Variants in ATP2C2 observed in about 807,000 individuals in gnomAD.
ATP2C2 encodes ATPase secretory pathway Ca2+ transporting 2, also known as calcium-transporting ATPase type 2C member 2.
A neutral mutation model predicts 110.8 loss-of-function variants in ATP2C2; 171 were observed. That is an observed-to-expected ratio of 1.54 (90% CI 1.36 to 1.75). The LOEUF is 1.75. Among genes scored for constraint, ATP2C2 ranks in the 40% most tolerant of loss-of-function variants. ATP2C2 has a pLI of 0.00. For synonymous variants in ATP2C2, 804 were observed against 508.4 expected, an observed-to-expected ratio of 1.58 and a Z score of -7.82; for missense variants, 1,963 against 1,235.0, an observed-to-expected ratio of 1.59 and a Z score of -8.84.
At chr16:84,422,251 G>T in intron 7 of ATP2C2, 139 bp from the exon 8 acceptor site, 1 of 1,010,920 alleles carries the variant, frequency 9.9e-7, no homozygotes. Context: ...CTCAGAGGCC[G>T]TCGTTGTGAC....
rs148443258 is a variant in ATP2C2 at position 84,376,183 on chromosome 16, C to T, written c.99+7469C>T. 2.1e-4 allele frequency among the ~76,000 whole-genome samples: 32 copies of T among 152,140 alleles called. No homozygotes were observed. The East Asian group carries it at 6.2e-3, about 29-fold the overall frequency. ...CAGAGATAAGTAGTTTGGGTCAGCACATTTGAAACTTCCACAGGGGAGTTT... is the reference window on the plus strand; with the variant it reads ...CAGAGATAAGTAGTTTGGGTCAGCATATTTGAAACTTCCACAGGGGAGTTT... On this transcript the variant is annotated intron_variant, in intron 1 of 26. Coordinates refer to ENST00000262429, the MANE Select transcript of ATP2C2 (RefSeq NM_014861.4).
At chr16:84,437,989 A>G (rs569733611) in intron 11 of ATP2C2, among the ~76,000 whole-genome samples, 2 of 152,044 alleles carry the variant, frequency 1.3e-5, no homozygotes, top group Non-Finnish European at 2.9e-5. Flanking sequence ...GTGGCCTTCT[A>G]TGTCTGGCTT....
At chr16:84,419,779 T>A (rs892927842) in intron 7 of ATP2C2, among the ~76,000 whole-genome samples, 1 of 152,166 alleles carries the variant, frequency 6.6e-6, no homozygotes, top group African/African-American at 2.4e-5. Flanking sequence ...CTGGTCCCTG[T>A]GCTCGTGAGT....
At chr16:84,428,756 A>T (rs1444440160) in intron 11 of ATP2C2, among the ~76,000 whole-genome samples, 3 of 152,216 alleles carry the variant, frequency 2.0e-5, no homozygotes, top group Non-Finnish European at 4.4e-5. Context: ...ACATCAGAAT[A>T]CCCTTAAATG....
chr16:84,425,689 G>T, intron 10 of ATP2C2, 46 bp from the exon 11 acceptor site: 1 of 1,586,770 alleles, frequency 6.3e-7, no homozygotes, highest in Non-Finnish European at 8.7e-7. Context: ...AGGCATCAGC[G>T]TGTGTAGTGC....
At chr16:84,446,928 A>T (rs1040913947) in intron 16 of ATP2C2, among the ~76,000 whole-genome samples, 3 of 152,090 alleles carry the variant, frequency 2.0e-5, no homozygotes, top group South Asian at 2.1e-4. Flanking sequence ...CTGGGGAGCA[A>T]ATCCTTCAGT....
chr16:84,416,402 A>G (rs1392140263), intron 7 of ATP2C2, among the ~76,000 whole-genome samples: 1 of 152,212 alleles, frequency 6.6e-6, no homozygotes, highest in Non-Finnish European at 1.5e-5. Flanking sequence ...AGAATTAGAC[A>G]CAGATTATCT....
Position 84,459,652 on chromosome 16 carries a change from C to G in ATP2C2, c.2333+266C>G, listed in dbSNP as rs1053207097. The G allele has an allele frequency of 2.9e-6, 4 of 1,395,126 alleles. No homozygotes were observed. The African/African-American group carries it at 4.3e-5, about 15-fold the overall frequency. The allele number at this position is 1,395,126 out of a possible 1,614,324, so 86.4% of individuals were successfully genotyped here. A position where few individuals can be genotyped will look rare whatever the true frequency, so the allele number is the denominator to read the frequency against. On this transcript the variant is annotated intron_variant, in intron 23 of 26. Transcript: ENST00000262429. Reference sequence around the variant, plus strand: ...TGCTCTCTCTGGGCAACCTGCATGGCTCATTCTCATGCTTCATTCCAGTCA... The same window carrying G: ...TGCTCTCTCTGGGCAACCTGCATGGGTCATTCTCATGCTTCATTCCAGTCA...
At chr16:84,374,550 A>G (rs543954893) in intron 1 of ATP2C2, among the ~76,000 whole-genome samples, 2 of 152,232 alleles carry the variant, frequency 1.3e-5, no homozygotes, top group East Asian at 3.9e-4. Flanking sequence ...CCCAATCCAA[A>G]TGTCACAAGC....
chr16:84,392,981 A>G (rs866330884), intron 1 of ATP2C2, among the ~76,000 whole-genome samples: 1 of 152,024 alleles, frequency 6.6e-6, no homozygotes, highest in Non-Finnish European at 1.5e-5. Context: ...TGGCTGATCA[A>G]CCTTCCTCAC....
chr16:84,459,834 A>T, intron 23 of ATP2C2: 1 of 436,084 alleles, frequency 2.3e-6, no homozygotes, highest in African/African-American at 2.0e-5. Context: ...AGTTTCATGG[A>T]GGCGGAGTTT....
intron 1 of ATP2C2, among the ~76,000 whole-genome samples, chr16:84,396,603 A>G (rs975633441): frequency 6.6e-6 from 1 of 151,242 alleles, no homozygotes; most frequent in Non-Finnish European, 1.5e-5. Context: ...GTGAGTCACA[A>G]ATGGCAAGGC....
rs78375879 is a variant in ATP2C2 at position 84,452,135 on chromosome 16, A to G, written c.1831+44A>G. The G allele has an allele frequency of 4.8e-3, 7,742 of 1,605,028 alleles. 324 individuals carry two copies. In the African/African-American group the frequency reaches 0.089, roughly 18 times the overall value. On this transcript the variant is annotated intron_variant, in intron 18 of 26. Coordinates refer to ENST00000262429, the MANE Select transcript of ATP2C2 (RefSeq NM_014861.4). Reference sequence around the variant, plus strand: ...GGGGTGAGGACGAAAGGACCCATCCATCCTTTACGATGGGGGGCTGCTACC... The same window carrying G: ...GGGGTGAGGACGAAAGGACCCATCCGTCCTTTACGATGGGGGGCTGCTACC...
At chr16:84,420,458 C>G (rs535039140) in intron 7 of ATP2C2, among the ~76,000 whole-genome samples, 16 of 144,064 alleles carry the variant, frequency 1.1e-4, no homozygotes, top group Admixed American at 7.1e-4. Flanking sequence ...CATCTTTGAT[C>G]TCTCCCTTTC....
chr16:84,450,046 G>A (rs546622404), intron 17 of ATP2C2, among the ~76,000 whole-genome samples: 8 of 152,364 alleles, frequency 5.3e-5, no homozygotes, highest in South Asian at 4.1e-4. Context: ...TGTCTGCTGC[G>A]GAGCGTAATG....
chr16:84,370,995 T>A (rs1909921645), intron 1 of ATP2C2, among the ~76,000 whole-genome samples: 1 of 152,198 alleles, frequency 6.6e-6, no homozygotes. Flanking sequence ...ACAGCCAGTT[T>A]TGCTAGGCGC....
chr16:84,406,476 T>A, intron 3 of ATP2C2: 1 of 552,780 alleles, frequency 1.8e-6, no homozygotes, highest in Non-Finnish European at 2.3e-6. Flanking sequence ...GCCTTCCTAT[T>A]GGCTCTGTGT....
Position 84,368,770 on chromosome 16 carries a change from C to T in ATP2C2, c.99+56C>T. On this transcript the variant is annotated intron_variant, in intron 1 of 26. Transcript: ENST00000262429. ...CGACCCGACCCCCCATCCCCTCCGT[C>T]GTAACCGTCCCCGGCCCGAGACCCC... 2.2e-6 allele frequency: 3 copies of T among 1,378,056 alleles called. No individual in the cohort carries two copies. The South Asian group carries it at 4.1e-5, about 19-fold the overall frequency. 85.4% of individuals were successfully genotyped at this position (1,378,056 alleles called of 1,614,324 possible).
At chr16:84,409,144 T>G (rs1906047064) in intron 4 of ATP2C2, among the ~76,000 whole-genome samples, 1 of 152,170 alleles carries the variant, frequency 6.6e-6, no homozygotes, top group Non-Finnish European at 1.5e-5. Context: ...TTCATGTCCT[T>G]TGCAGGGACA....
Sources: allele counts gnomAD v4.1 joint callset (sites outside exome capture counted in the v4.1 genomes callset), GRCh38; gene constraint gnomAD v4.1.1; transcripts MANE v1.5; gene names NCBI Gene and HGNC (gene_info 2026-07-23, HGNC 2026-07-21).